Variants in CUX2 observed in about 807,000 individuals in gnomAD.
CUX2 encodes the protein homeobox protein cut-like 2.
Under a neutral mutation model 144.8 loss-of-function variants are expected in CUX2, and 40 were observed. The observed-to-expected ratio is 0.28, with a 90% CI of 0.21 to 0.36. CUX2 has a LOEUF of 0.36. Among genes scored for constraint, CUX2 ranks in the 10% least tolerant of loss-of-function variants. The probability of loss-of-function intolerance (pLI) is 1.00; values close to 1 mark genes in which losing one functional copy is unlikely to be tolerated. For synonymous variants in CUX2, 827 were observed against 875.6 expected (o/e 0.94, Z 0.98); for missense variants, 1,615 against 1,994.0 (o/e 0.81, Z 3.62).
intron 3 of CUX2, among the ~76,000 whole-genome samples, chr12:111,224,879 C>T (rs1178630252): frequency 3.3e-5 from 5 of 152,112 alleles, no homozygotes; most frequent in Non-Finnish European, 5.9e-5. Flanking sequence ...CATAACCTCT[C>T]TGGGTTTCAC....
At chr12:111,265,401 G>A (rs188463483) in intron 4 of CUX2, among the ~76,000 whole-genome samples, 33 of 151,076 alleles carry the variant, frequency 2.2e-4, no homozygotes, top group Middle Eastern at 3.4e-3. Flanking sequence ...GAGTGCAGTA[G>A]CGCGATCTCA....
chr12:111,153,640 G>A (rs114768837), intron 1 of CUX2, among the ~76,000 whole-genome samples: 1,533 of 152,226 alleles, frequency 0.01, 28 homozygotes, highest in African/African-American at 0.035. Context: ...TGAGCAAAAT[G>A]TCATTATGTG....
At position 111,312,157 on chromosome 12, in the gene CUX2, G is replaced by A. The variant is rs371230082; in HGVS notation, c.1958G>A (p.Ser653Asn). ...ACAGGCTCAGACGACGCCATCAAGA[G>A]CATTCTAGAGCAGGCCAAGAAGGAG... ...PETGSDDAIKSILEQAKKEIE... is the reference protein window; with the variant it reads ...PETGSDDAIKNILEQAKKEIE... Residue 653 changes from serine to asparagine, a missense_variant, in exon 16 of 22, where the codon AGC (serine) becomes AAC (asparagine). Ser to Asn is a conservative substitution (Grantham distance 46). Coordinates refer to ENST00000261726, the MANE Select transcript of CUX2 (RefSeq NM_015267.4). The surrounding 1 kb of genome is among the most constrained non-coding windows in gnomAD (Gnocchi z 4.3). 1 of 1,612,212 alleles carries A rather than the reference G, an allele frequency of 6.2e-7. No individual in the cohort carries two copies.
chr12:111,129,159 T>G (rs1486676349), intron 1 of CUX2, among the ~76,000 whole-genome samples: 8 of 152,262 alleles, frequency 5.3e-5, no homozygotes, highest in Non-Finnish European at 2.9e-5. Context: ...TGAATTTTTG[T>G]TAGATTTATT....
intron 4 of CUX2, among the ~76,000 whole-genome samples, chr12:111,268,429 C>T (rs748245548): frequency 3.3e-5 from 5 of 152,198 alleles, no homozygotes; most frequent in Admixed American, 2.0e-4. Flanking sequence ...AGGTTCCAGG[C>T]GTTAGGACAC....
intron 1 of CUX2, among the ~76,000 whole-genome samples, chr12:111,042,254 G>A (rs559767621): frequency 1.3e-5 from 2 of 152,292 alleles, no homozygotes; most frequent in Non-Finnish European, 2.9e-5. Context: ...CCGCCGGTGT[G>A]GACTGTGGGT....
At chr12:111,109,014 T>G (rs1873778883) in intron 1 of CUX2, among the ~76,000 whole-genome samples, 1 of 152,192 alleles carries the variant, frequency 6.6e-6, no homozygotes, top group Admixed American at 6.5e-5. Flanking sequence ...TATCTCCCTT[T>G]CAGGGCATGG....
In CUX2 at chr12:111,306,978, A is replaced by G. The variant is rs1377046070; in HGVS notation, c.916A>G (p.Lys306Glu). 2 of 1,613,578 alleles carry G rather than the reference A, an allele frequency of 1.2e-6. No homozygotes were observed. Among genetic ancestry groups the G allele is most frequent in the Non-Finnish European group, 8.5e-7 (1 of 1,179,868 alleles). ...GPRLEAALAS[K>E]DREILRLLKD... The stretch of plus-strand genomic sequence containing the variant: ...TCGGCTGGAGGCCGCGCTGGCCTCC[A>G]AGGACAGGGAGATCCTGCGGCTGCT... Residue 306 changes from lysine (K) to glutamate (E), a missense_variant, in exon 11 of 22, where the codon AAG becomes GAG. Around this residue, in one of 12 missense-constraint regions of CUX2, gnomAD observed 295 missense variants for 400.2 expected, o/e 0.74. Coordinates refer to ENST00000261726, the MANE Select transcript of CUX2 (RefSeq NM_015267.4).
intron 3 of CUX2, among the ~76,000 whole-genome samples, chr12:111,234,657 T>C (rs575198628): frequency 6.6e-6 from 1 of 151,374 alleles, no homozygotes; most frequent in East Asian, 1.9e-4. Flanking sequence ...CAGGCAGACC[T>C]GGGTTCAAGA....
At chr12:111,135,572 A>T (rs1875824372) in intron 1 of CUX2, among the ~76,000 whole-genome samples, 1 of 152,270 alleles carries the variant, frequency 6.6e-6, no homozygotes, top group Admixed American at 6.5e-5. Flanking sequence ...CAAAAGGTAG[A>T]ACCAACCCGC....
chr12:111,249,605 C>G (rs917399659), intron 3 of CUX2, among the ~76,000 whole-genome samples: 4 of 151,500 alleles, frequency 2.6e-5, no homozygotes, highest in Non-Finnish European at 5.9e-5. Context: ...CACAGGCACG[C>G]GACACCATGC....
At chr12:111,107,289 T>C (rs1873668938) in intron 1 of CUX2, among the ~76,000 whole-genome samples, 1 of 152,252 alleles carries the variant, frequency 6.6e-6, no homozygotes, top group South Asian at 2.1e-4. Flanking sequence ...TCACACAGCC[T>C]GCCCACCTGG....
At chr12:111,201,609 G>A (rs940317830) in intron 1 of CUX2, among the ~76,000 whole-genome samples, 1 of 152,124 alleles carries the variant, frequency 6.6e-6, no homozygotes, top group Non-Finnish European at 1.5e-5. Context: ...AGAGCCCAAG[G>A]CTCTCGGAAC....
intron 1 of CUX2, among the ~76,000 whole-genome samples, chr12:111,043,300 T>C (rs955111994): frequency 2.0e-5 from 3 of 151,820 alleles, no homozygotes; most frequent in African/African-American, 7.3e-5. Context: ...CTGGAAGAAA[T>C]GACCCTTCTG....
intron 3 of CUX2, among the ~76,000 whole-genome samples, chr12:111,230,870 G>A (rs570151373): frequency 1.3e-4 from 20 of 152,258 alleles, no homozygotes; most frequent in African/African-American, 1.9e-4. Flanking sequence ...ACATGATGTC[G>A]TTGACAGGGG....
chr12:111,293,607 G>T lies in CUX2; in HGVS notation c.560+38G>T. ...AGGTGGGTGGGAGGGAGGAAGGAAT[G>T]GGCAGGGCTCCTGCTGCCCCACCTG... On this transcript the variant is annotated intron_variant, in intron 6 of 21. Transcript: ENST00000261726. The surrounding 1 kb of genome is among the most constrained non-coding windows in gnomAD (Gnocchi z 4.5). The T allele has an allele frequency of 6.5e-7, 1 of 1,548,672 alleles. No homozygotes were observed. Among genetic ancestry groups the T allele is most frequent in the Non-Finnish European group, 8.7e-7 (1 of 1,145,154 alleles).
At chr12:111,282,963 A>C (rs1420275831) in intron 4 of CUX2, among the ~76,000 whole-genome samples, 2 of 152,150 alleles carry the variant, frequency 1.3e-5, no homozygotes, top group Non-Finnish European at 2.9e-5. Flanking sequence ...CTGTAATCCC[A>C]GCACTTTGGA....
intron 3 of CUX2, among the ~76,000 whole-genome samples, chr12:111,261,317 G>A (rs1884113207): frequency 6.6e-6 from 1 of 152,116 alleles, no homozygotes; most frequent in African/African-American, 2.4e-5. Context: ...AATAGTAAAA[G>A]CTTCTGGCAC....
chr12:111,298,679 G>A (rs1037908766), intron 9 of CUX2, 90 bp downstream of exon 9: 80 of 1,271,342 alleles, frequency 6.3e-5, no homozygotes, highest in Non-Finnish European at 8.6e-5. Context: ...AAGGGACTGA[G>A]CTTCATCAAT....
Sources: gnomAD v4.1 joint callset for allele counts (sites outside exome capture counted in the v4.1 genomes callset) on GRCh38, gnomAD v4.1.1 for gene constraint, gnomAD v4.1.1 regional missense constraint, Gnocchi (gnomAD v3.1) non-coding constraint, MANE v1.5 for transcripts, NCBI Gene and HGNC (gene_info 2026-07-23, HGNC 2026-07-21) for gene names.